Variants in ASPRV1 observed in about 807,000 individuals in gnomAD.
The protein encoded by ASPRV1 is aspartic peptidase retroviral like 1.
Under a neutral mutation model 11.0 loss-of-function variants are expected in ASPRV1, and 7 were observed. The observed-to-expected ratio is 0.64, with a 90% confidence interval of 0.36 to 1.20. The LOEUF (loss-of-function observed/expected upper bound fraction) is 1.20, where lower values mean the gene tolerates loss of function less well. ASPRV1 is among the 50% of genes most tolerant of loss of function. ASPRV1 has a pLI of 0.02. For missense variants in ASPRV1, 299 were observed against 320.0 expected (o/e 0.93, Z 0.50); for synonymous variants, 136 against 138.4 (o/e 0.98, Z 0.12).
chr2:70,002,208 G>T, the ASPRV1 span, among the ~76,000 whole-genome samples: 1 of 152,160 alleles, frequency 6.6e-6, no homozygotes, highest in Non-Finnish European at 1.5e-5. Flanking sequence ...ACCTGGTGGG[G>T]TTCCCTGTCC....
the ASPRV1 span, among the ~76,000 whole-genome samples, chr2:70,081,925 T>A: frequency 0.011 from 1,623 of 151,920 alleles, 30 homozygotes; most frequent in African/African-American, 0.037. Context: ...AAGATAAATC[T>A]TAAGAGAGAA....
chr2:70,052,126 GA>G, the ASPRV1 span, among the ~76,000 whole-genome samples: 1 of 152,062 alleles, frequency 6.6e-6, no homozygotes, highest in African/African-American at 2.4e-5. Flanking sequence ...AAATAAATAA[GA>G]AAAGTATATA....
the ASPRV1 span, among the ~76,000 whole-genome samples, chr2:70,076,859 G>A: frequency 2.0e-5 from 3 of 152,198 alleles, no homozygotes; most frequent in African/African-American, 2.4e-5. Context: ...GAACGTGTCA[G>A]TAGGCCAGGA....
At chr2:70,064,667 T>C in the ASPRV1 span, among the ~76,000 whole-genome samples, 2 of 152,176 alleles carry the variant, frequency 1.3e-5, no homozygotes, top group African/African-American at 4.8e-5. Context: ...GATAGGTGAC[T>C]GATGCAGATG....
chr2:70,057,660 G>A, the ASPRV1 span, among the ~76,000 whole-genome samples: 1 of 151,604 alleles, frequency 6.6e-6, no homozygotes, highest in Non-Finnish European at 1.5e-5. Context: ...TGTAGTTTTA[G>A]TAAAGATGGG....
the ASPRV1 span, among the ~76,000 whole-genome samples, chr2:70,025,290 G>A: frequency 1.3e-5 from 2 of 152,116 alleles, no homozygotes; most frequent in African/African-American, 4.8e-5. Flanking sequence ...GGAGATGGAG[G>A]CTCATGCTTG....
the ASPRV1 span, among the ~76,000 whole-genome samples, chr2:70,078,581 T>C: frequency 2.4e-3 from 364 of 152,326 alleles, no homozygotes; most frequent in African/African-American, 8.3e-3. Context: ...ATGATGTTCC[T>C]GGCAGAAAAA....
At chr2:70,008,631 TTG>T in the ASPRV1 span, among the ~76,000 whole-genome samples, 8 of 151,880 alleles carry the variant, frequency 5.3e-5, no homozygotes, top group East Asian at 2.0e-4. Context: ...TGAAATGTTT[TTG>T]TGTGTTTTTT....
upstream of ASPRV1, chr2:69,963,201 T>C (rs1238243933): frequency 2.2e-6 from 1 of 450,110 alleles, no homozygotes; most frequent in Admixed American, 2.4e-5. Context: ...GGTCAACACC[T>C]CTCATCACAG....
the ASPRV1 span, among the ~76,000 whole-genome samples, chr2:69,981,063 A>G: frequency 6.6e-6 from 1 of 152,264 alleles, no homozygotes; most frequent in Non-Finnish European, 1.5e-5. Context: ...GGCGTGAGCC[A>G]CTGCATCTGG....
the ASPRV1 span, among the ~76,000 whole-genome samples, chr2:70,044,885 G>A: frequency 6.6e-5 from 10 of 152,192 alleles, no homozygotes; most frequent in Non-Finnish European, 1.3e-4. Flanking sequence ...CTGACTTTGT[G>A]AGCCACATCA....
chr2:70,009,109 C>A, the ASPRV1 span, among the ~76,000 whole-genome samples: 3 of 152,156 alleles, frequency 2.0e-5, no homozygotes, highest in Non-Finnish European at 4.4e-5. Context: ...CAGATACTAT[C>A]CCTGCCACTC....
chr2:69,970,079 G>A, the ASPRV1 span, among the ~76,000 whole-genome samples: 12 of 152,048 alleles, frequency 7.9e-5, no homozygotes, highest in Admixed American at 1.3e-4. Flanking sequence ...GCCAGCCCTC[G>A]GAGTCACAGA....
chr2:70,009,982 T>C, the ASPRV1 span, among the ~76,000 whole-genome samples: 1 of 152,124 alleles, frequency 6.6e-6, no homozygotes, highest in Non-Finnish European at 1.5e-5. Context: ...CCAGCAGGTA[T>C]GGGGTGCCTG....
chr2:69,999,698 C>G, the ASPRV1 span, among the ~76,000 whole-genome samples: 2 of 151,208 alleles, frequency 1.3e-5, no homozygotes, highest in African/African-American at 4.9e-5. Context: ...CAGCCCAGTC[C>G]TAGTGATCCA....
chr2:70,048,679 A>C, the ASPRV1 span: 1 of 152,462 alleles, frequency 6.6e-6, no homozygotes, highest in Admixed American at 6.5e-5. Flanking sequence ...AAATTACCAC[A>C]AACTATATGG....
chr2:70,065,390 C>CAAAAAAAA, the ASPRV1 span, among the ~76,000 whole-genome samples: 9 of 52,724 alleles, frequency 1.7e-4, no homozygotes, highest in East Asian at 5.1e-4. Flanking sequence ...GACACCATCT[C>CAAAAAAAA]AAAAAAAAAA....
Position 69,960,529 on chromosome 2 carries a change from G to C in ASPRV1, c.*128C>G. 2.9e-6 allele frequency: 3 copies of C among 1,016,990 alleles called. No individual in the cohort carries two copies. The highest frequency in any genetic ancestry group is 4.3e-6 in the Non-Finnish European group (3 of 704,422). 63.0% of individuals were successfully genotyped at this position (1,016,990 alleles called of 1,614,324 possible). A position where few individuals can be genotyped will look rare whatever the true frequency, so the allele number is the denominator to read the frequency against. On this transcript the variant is annotated 3_prime_UTR_variant, in exon 1 of 1. Transcript: ENST00000320256. ...TAAGGCCCCTGCAGAGGGAGGCAAA[G>C]GGGAGAGAAGAGCAAGAGTTGATAA... is the stretch of plus-strand genomic sequence containing the variant.
At chr2:69,966,665 T>C in the ASPRV1 span, among the ~76,000 whole-genome samples, 5 of 152,340 alleles carry the variant, frequency 3.3e-5, no homozygotes, top group Non-Finnish European at 5.9e-5. Flanking sequence ...ACCAGGAAAC[T>C]TGGCTTAGAG....
Sources: allele counts gnomAD v4.1 joint callset (sites outside exome capture counted in the v4.1 genomes callset), GRCh38; gene constraint gnomAD v4.1.1; transcripts MANE v1.5; gene names NCBI Gene and HGNC (gene_info 2026-07-23, HGNC 2026-07-21).